Variants in ZNF442 observed in about 807,000 individuals in gnomAD.
ZNF442 encodes the protein zinc finger protein 442.
A neutral mutation model predicts 57.0 loss-of-function variants in ZNF442; 45 were observed. The observed-to-expected ratio is 0.79, with a 90% CI of 0.62 to 1.01. The LOEUF (loss-of-function observed/expected upper bound fraction) is 1.01. Ranked by LOEUF, ZNF442 falls within the 50% of genes least tolerant of loss-of-function variation. The pLI is 0.00. For synonymous variants in ZNF442, 213 were observed against 241.8 expected (o/e 0.88, Z 1.10); for missense variants, 690 against 756.5 (o/e 0.91, Z 1.03).
rs1310186550 is a variant in ZNF442, at chr19:12,348,001, G to A, written c.*1700C>T. The A allele has an allele frequency of 1.3e-5, 2 of 152,158 alleles. No individual in the cohort carries two copies. The highest frequency in any genetic ancestry group is 2.9e-5 in the Non-Finnish European group (2 of 68,044). The allele number at this position is 152,158 out of a possible 1,614,324, so 9.4% of individuals were successfully genotyped here. On this transcript the variant is annotated 3_prime_UTR_variant, in exon 6 of 6. Coordinates refer to ENST00000242804, the MANE Select transcript of ZNF442 (RefSeq NM_030824.3). ...CAAAGATGTGACACTTGAAACATGT[G>A]CAGCAGTTTTTGGGGCATCTACAGC...
intron 4 of ZNF442, among the ~76,000 whole-genome samples, chr19:12,352,754 GTTAA>G (rs1294880619): frequency 6.6e-6 from 1 of 152,124 alleles, no homozygotes; most frequent in Non-Finnish European, 1.5e-5. Flanking sequence ...CAACATATGT[GTTAA>G]TTGATTGTTT....
In ZNF442 at chr19:12,363,158, C is replaced by CAA. The variant is rs886442784; in HGVS notation, c.78+394_78+395dup. ...TGGGCAACAGTGCGAAGCTCCGTCT[C>CAA]AAAAAAAAAAAAAAAAAAAAAAGGA... On this transcript the variant is annotated intron_variant, in intron 3 of 5. Transcript: ENST00000242804. Among the ~76,000 whole-genome samples, 176 of 60,322 alleles carry CAA rather than the reference C, an allele frequency of 2.9e-3. 2 individuals carry two copies. The highest frequency in any genetic ancestry group is 8.7e-3 in the African/African-American group (141 of 16,250). The allele number at this position is 60,322 out of a possible 152,430, so 39.6% of individuals were successfully genotyped here.
chr19:12,351,608 T>C (rs1375093935), intron 5 of ZNF442, among the ~76,000 whole-genome samples: 1 of 152,090 alleles, frequency 6.6e-6, no homozygotes, highest in Non-Finnish European at 1.5e-5. Flanking sequence ...CAGGTTCAAG[T>C]GTTTCTCCTG....
upstream of ZNF442, among the ~76,000 whole-genome samples, chr19:12,366,071 G>T (rs1168643469): frequency 1.3e-5 from 2 of 152,202 alleles, no homozygotes; most frequent in Non-Finnish European, 2.9e-5. Context: ...CACTGAAGCA[G>T]GAGGGAAGGC....
upstream of ZNF442, among the ~76,000 whole-genome samples, chr19:12,370,084 A>G (rs1969568647): frequency 6.6e-6 from 1 of 151,916 alleles, no homozygotes; most frequent in Non-Finnish European, 1.5e-5. Context: ...GGGGTGATTC[A>G]AGTACATTAC....
chr19:12,351,756 G>T, intron 5 of ZNF442: 1 of 404,772 alleles, frequency 2.5e-6, no homozygotes, highest in South Asian at 3.9e-5. Context: ...GCTCGCCTTG[G>T]CCTCCCAAAG....
intron 3 of ZNF442, among the ~76,000 whole-genome samples, chr19:12,360,372 C>T (rs938977318): frequency 3.3e-5 from 5 of 152,158 alleles, no homozygotes; most frequent in African/African-American, 7.2e-5. Flanking sequence ...GTATAAAAGG[C>T]TTCTCCCATG....
rs1365098149 is a variant in ZNF442, at chr19:12,346,473, CT to C, written c.*3227del. 1 of 152,118 alleles carries C rather than the reference CT, an allele frequency of 6.6e-6. No homozygotes were observed. The highest frequency in any genetic ancestry group is 1.5e-5 in the Non-Finnish European group (1 of 68,030). 9.4% of individuals were successfully genotyped at this position (152,118 alleles called of 1,614,324 possible). A position where few individuals can be genotyped will look rare whatever the true frequency, so the allele number is the denominator to read the frequency against. Reference sequence around the variant, plus strand: ...TGTGACAATGTGGAAAATAGAAACCCTTATGCATTGCTGGAGAGAATGTAAA... The same window carrying C: ...TGTGACAATGTGGAAAATAGAAACCCTATGCATTGCTGGAGAGAATGTAAA... On this transcript the variant is annotated 3_prime_UTR_variant, in exon 6 of 6. Transcript: ENST00000242804.
rs77091603 is a variant in ZNF442 at position 12,353,620 on chromosome 19, T to G, written c.79-506A>C. The stretch of plus-strand genomic sequence containing the variant: ...GTATAGTATTTGCTTAACTCTTACC[T>G]TCTCTTCGGGAGCTTGGAATTTTGT... On this transcript the variant is annotated intron_variant, in intron 3 of 5. Transcript: ENST00000242804. Among the ~76,000 whole-genome samples, 74 of 152,296 alleles carry G rather than the reference T, an allele frequency of 4.9e-4. 1 individual carries two copies. In the East Asian group the frequency reaches 0.012, roughly 25 times the overall value.
rs971393880 is a variant in ZNF442, at chr19:12,350,207, G to A, written c.1378C>T (p.Pro460Ser). The change falls in exon 6 of 6, where the codon CCC (proline) becomes TCC (serine). Residue 460 changes from proline (P) to serine (S), a missense_variant. Pro to Ser is a moderately conservative substitution (Grantham distance 74). Coordinates refer to ENST00000242804, the MANE Select transcript of ZNF442 (RefSeq NM_030824.3). ...GCTTTCCCACATTTACATTTATAGGGTTTCTCTCCAGTGTGAGTTGTTTCA... is the reference window on the plus strand; with the variant it reads ...GCTTTCCCACATTTACATTTATAGGATTTCTCTCCAGTGTGAGTTGTTTCA... ...RHETTHTGEK[P>S]YKCKCGKAFI... 4 of 1,613,554 alleles carry A rather than the reference G, an allele frequency of 2.5e-6. No individual in the cohort carries two copies. Among genetic ancestry groups the A allele is most frequent in the Admixed American group, 1.7e-5 (1 of 59,980 alleles).
At chr19:12,369,876 A>G (rs915950636), upstream of ZNF442, among the ~76,000 whole-genome samples, 19 of 151,950 alleles carry the variant, frequency 1.3e-4, no homozygotes, top group Middle Eastern at 3.4e-3. Context: ...ACTGCACTCC[A>G]GCCTGGCGAC....
At chr19:12,372,987 T>G in the ZNF442 span, among the ~76,000 whole-genome samples, 4 of 152,328 alleles carry the variant, frequency 2.6e-5, no homozygotes, top group African/African-American at 9.6e-5. Context: ...TTGGCCAGGA[T>G]GGTCTTGATC....
rs1372236471 is a variant in ZNF442, at chr19:12,351,113, A to G, written c.472T>C (p.Cys158Arg). 6.2e-7 allele frequency: 1 copy of G among 1,614,104 alleles called. No individual in the cohort carries two copies. The highest frequency in any genetic ancestry group is 1.7e-5 in the Admixed American group (1 of 60,008). ...TGGTGATAATTGAAGGCTGTCCCAC[A>G]TTGTTTATGTGTATGTGGCTTCTCT... Reference protein sequence around the residue: ...YGEKPHTHKQCGTAFNYHHSF... With the variant: ...YGEKPHTHKQRGTAFNYHHSF... The change falls in exon 6 of 6, where the codon TGT (cysteine) becomes CGT (arginine). Residue 158 changes from cysteine (C) to arginine (R), a missense_variant. Transcript: ENST00000242804.
upstream of ZNF442, chr19:12,365,698 A>G (rs540829002): frequency 4.9e-6 from 1 of 203,028 alleles, no homozygotes; most frequent in Non-Finnish European, 1.0e-5. Context: ...TCCTCCCGGC[A>G]GCGCGCCTGA....
intron 3 of ZNF442, among the ~76,000 whole-genome samples, chr19:12,359,062 G>A (rs556683676): frequency 1.3e-5 from 2 of 152,260 alleles, no homozygotes; most frequent in South Asian, 4.2e-4. Flanking sequence ...GGAGGGATTG[G>A]CAAACCTTCC....
chr19:12,350,342 T>C lies in ZNF442; in HGVS notation c.1243A>G (p.Ile415Val), dbSNP rs769839398. ...TGTCCTTGAAATACACTGGGATAAA[T>C]GAAGGCTTTCCCACATACCTTGCAT... ...HKCKVCGKAF[I>V]YPSVFQGHER... The change falls in exon 6 of 6, where the codon ATT (isoleucine) becomes GTT (valine). Residue 415 changes from isoleucine to valine, a missense_variant. Ile to Val is a conservative substitution (Grantham distance 29). Coordinates refer to ENST00000242804, the MANE Select transcript of ZNF442 (RefSeq NM_030824.3). 1.2e-6 allele frequency: 2 copies of C among 1,613,940 alleles called. No homozygotes were observed. Among genetic ancestry groups the C allele is most frequent in the South Asian group, 2.2e-5 (2 of 91,074 alleles).
chr19:12,363,458 G>C, intron 3 of ZNF442, 96 bp downstream of exon 3: 1 of 1,207,648 alleles, frequency 8.3e-7, no homozygotes, highest in Non-Finnish European at 1.2e-6. Context: ...CACCACCCCA[G>C]GAGATACTTC....
rs115177712 is a variant in ZNF442, at chr19:12,353,856, A to T, written c.79-742T>A. ...TGGCTTAAAGAATAAATGGGTAGTG[A>T]CAGAGTTGGACTTATGTCCCTATGA... On this transcript the variant is annotated intron_variant, in intron 3 of 5. Coordinates refer to ENST00000242804, the MANE Select transcript of ZNF442 (RefSeq NM_030824.3). 7.8e-3 allele frequency among the ~76,000 whole-genome samples: 1,188 copies of T among 152,240 alleles called. 20 individuals carry two copies. Among genetic ancestry groups the T allele is most frequent in the African/African-American group, 0.027 (1,138 of 41,546 alleles).
Position 12,353,124 on chromosome 19 carries a change from C to G in ZNF442, c.79-10G>C, listed in dbSNP as rs200245502. The stretch of plus-strand genomic sequence containing the variant: ...CAAAGGCTACTGAATCCTGAAACAC[C>G]CCACATGTACAAAGGAGTAAGGCTG... On this transcript the variant is annotated splice_polypyrimidine_tract_variant and intron_variant, in intron 3 of 5. Transcript: ENST00000242804. 1 of 1,604,024 alleles carries G rather than the reference C, an allele frequency of 6.2e-7. No individual in the cohort carries two copies. Among genetic ancestry groups the G allele is most frequent in the Non-Finnish European group, 8.5e-7 (1 of 1,177,120 alleles).
Sources: allele counts gnomAD v4.1 joint callset (sites outside exome capture counted in the v4.1 genomes callset), GRCh38; gene constraint gnomAD v4.1.1; transcripts MANE v1.5; gene names NCBI Gene and HGNC (gene_info 2026-07-23, HGNC 2026-07-21).